Variants in PKHD1 observed in about 807,000 individuals in gnomAD.
The protein encoded by PKHD1 is PKHD1 ciliary IPT domain containing fibrocystin/polyductin.
In PKHD1, 291 loss-of-function variants were observed where a neutral mutation model predicts 412.0. That is an observed-to-expected ratio of 0.71 (90% CI 0.64 to 0.78). The LOEUF is 0.78. Among genes scored for constraint, PKHD1 ranks in the 30% least tolerant of loss-of-function variants. The pLI is 0.00. For synonymous variants in PKHD1, 1,777 were observed against 1,821.5 expected (o/e 0.98, Z 0.62); for missense variants, 4,825 against 4,950.7 (o/e 0.97, Z 0.76).
rs181139727 is a variant in PKHD1, at chr6:52,081,199, G to A, written c.282-1191C>T. Among the ~76,000 whole-genome samples, 5 of 152,284 alleles carry A rather than the reference G, an allele frequency of 3.3e-5. No individual in the cohort carries two copies. In the East Asian group the frequency reaches 7.7e-4, roughly 23 times the overall value. ...AAATCATTAGTATGTTGGGATAAAG[G>A]AGATAGGACATGTAAATCTCCAGAG... On this transcript the variant is annotated intron_variant, in intron 4 of 66. Transcript: ENST00000371117.
At chr6:51,701,705 A>G (rs1472618410) in intron 60 of PKHD1, among the ~76,000 whole-genome samples, 1 of 152,034 alleles carries the variant, frequency 6.6e-6, no homozygotes, top group Non-Finnish European at 1.5e-5. Flanking sequence ...CATGATTTCA[A>G]TGTCCAGGCT....
chr6:51,888,881 G>A (rs1778639602), intron 43 of PKHD1, among the ~76,000 whole-genome samples: 2 of 150,676 alleles, frequency 1.3e-5, no homozygotes, highest in Non-Finnish European at 2.9e-5. Flanking sequence ...GGCCCTATCA[G>A]GCTGCTGCAC....
At chr6:51,929,152 T>C (rs1177309994) in intron 37 of PKHD1, among the ~76,000 whole-genome samples, 2 of 152,080 alleles carry the variant, frequency 1.3e-5, no homozygotes, top group East Asian at 3.9e-4. Context: ...AAATATATTG[T>C]TGGATAAGAG....
chr6:51,833,846 A>G (rs1768700900), intron 51 of PKHD1, among the ~76,000 whole-genome samples: 1 of 151,976 alleles, frequency 6.6e-6, no homozygotes, highest in African/African-American at 2.4e-5. Context: ...AGAGTTGAGA[A>G]CCACAGCCTT....
intron 35 of PKHD1, among the ~76,000 whole-genome samples, chr6:51,993,180 G>C (rs150869341): frequency 2.0e-5 from 3 of 152,374 alleles, no homozygotes; most frequent in African/African-American, 7.2e-5. Flanking sequence ...CACTGCTCAG[G>C]TGGCAGGGAG....
rs566040926 is a variant in PKHD1, at chr6:51,794,907, T to C, written c.8303-3534A>G. Among the ~76,000 whole-genome samples the C allele has an allele frequency of 3.3e-5, 5 of 152,258 alleles. No homozygotes were observed. The South Asian group carries it at 1.0e-3, about 32-fold the overall frequency. ...CTGTTCTTGTACCAGTACCATGCTG[T>C]TTGGTTATGCTGTTTGGTTACTGTA... On this transcript the variant is annotated intron_variant, in intron 52 of 66. Coordinates refer to ENST00000371117, the MANE Select transcript of PKHD1 (RefSeq NM_138694.4).
chr6:51,785,395 A>G (rs1792699381), intron 53 of PKHD1, among the ~76,000 whole-genome samples: 1 of 152,212 alleles, frequency 6.6e-6, no homozygotes, highest in Non-Finnish European at 1.5e-5. Context: ...TATATACTAA[A>G]GCCAAAAAAT....
chr6:52,069,574 A>ATTGCATTT, intron 10 of PKHD1, 47 bp from the exon 11 acceptor site: 1 of 1,476,668 alleles, frequency 6.8e-7, no homozygotes. Flanking sequence ...ATCAACTGGG[A>ATTGCATTT]TTGCATTTTT....
chr6:51,841,181 C>A (rs1009781725), intron 50 of PKHD1, among the ~76,000 whole-genome samples: 27 of 151,994 alleles, frequency 1.8e-4, no homozygotes, highest in South Asian at 4.1e-4. Context: ...GGTATATAAG[C>A]TCAGATTTAA....
chr6:52,072,225 G>A (rs377715561), intron 7 of PKHD1, 36 bp from the exon 8 acceptor site: 4 of 1,329,122 alleles, frequency 3.0e-6, no homozygotes, highest in Admixed American at 1.7e-5. Context: ...AAAGACAAGA[G>A]ATAATTGTGC....
In PKHD1 at chr6:52,046,143, T is replaced by A; in HGVS notation, c.2453A>T (p.Gln818Leu). 1 of 1,613,800 alleles carries A rather than the reference T, an allele frequency of 6.2e-7. No individual in the cohort carries two copies. The highest frequency in any genetic ancestry group is 8.5e-7 in the Non-Finnish European group (1 of 1,179,694). Residue 818 changes from glutamine (Q) to leucine (L), a missense_variant, in exon 24 of 67, where the codon CAG (glutamine) becomes CTG (leucine). Coordinates refer to ENST00000371117, the MANE Select transcript of PKHD1 (RefSeq NM_138694.4). ...GGATGTGAAGTCATCGGCATTATTC[T>A]GTAAGAGCTGGTGAAGGTGATGAGC... is the stretch of plus-strand genomic sequence containing the variant. ...ISAHHLHQLLQNNADDFTSRY... is the reference protein window; with the variant it reads ...ISAHHLHQLLLNNADDFTSRY...
intron 52 of PKHD1, among the ~76,000 whole-genome samples, 162 bp downstream of exon 52, chr6:51,830,699 T>C (rs1025270196): frequency 6.6e-6 from 1 of 152,176 alleles, no homozygotes; most frequent in African/African-American, 2.4e-5. Context: ...TCTATGAAAT[T>C]GTTCTCCTAC....
intron 29 of PKHD1, among the ~76,000 whole-genome samples, chr6:52,029,932 G>A (rs1802786907): frequency 6.6e-6 from 1 of 152,254 alleles, no homozygotes; most frequent in African/African-American, 2.4e-5. Flanking sequence ...AAAGATAGGG[G>A]AGGAGAAATC....
rs770063741 is a variant in PKHD1 at position 52,050,251 on chromosome 6, C to T, written c.2185G>A (p.Val729Met). The T allele has an allele frequency of 8.7e-6, 14 of 1,614,184 alleles. No individual in the cohort carries two copies. In the South Asian group the frequency reaches 1.4e-4, roughly 16 times the overall value. The change falls in exon 22 of 67, where the codon GTG (valine) becomes ATG (methionine). Residue 729 changes from valine to methionine, a missense_variant. Coordinates refer to ENST00000371117, the MANE Select transcript of PKHD1 (RefSeq NM_138694.4). ...GATCCCACCACAGAGACTGATTCCA[C>T]CAGATTGCCCCCTGGGCGAGCCGTT... ...SGTARPGGNL[V>M]ESVSVVGSPP... is the part of the protein sequence containing the mutation.
chr6:51,679,710 C>A (rs1182456603), intron 60 of PKHD1, among the ~76,000 whole-genome samples: 1 of 152,006 alleles, frequency 6.6e-6, no homozygotes, highest in Admixed American at 6.6e-5. Flanking sequence ...TGACCCAACT[C>A]GGTGATTCCC....
intron 55 of PKHD1, among the ~76,000 whole-genome samples, chr6:51,764,387 T>A (rs912443079): frequency 6.7e-6 from 1 of 148,278 alleles, no homozygotes; most frequent in Non-Finnish European, 1.5e-5. Context: ...CCAGTTAGAA[T>A]GGCAATCATT....
At chr6:51,977,958 G>A (rs1300101060) in intron 35 of PKHD1, among the ~76,000 whole-genome samples, 2 of 152,182 alleles carry the variant, frequency 1.3e-5, no homozygotes, top group East Asian at 3.9e-4. Context: ...TGGTGAGGGA[G>A]AAGCAAAGCT....
chr6:51,699,481 G>C (rs1279990793), intron 60 of PKHD1, among the ~76,000 whole-genome samples: 1 of 152,098 alleles, frequency 6.6e-6, no homozygotes, highest in Non-Finnish European at 1.5e-5. Flanking sequence ...AAGGATATCT[G>C]GGTTGTTTCC....
chr6:52,082,665 A>T, intron 3 of PKHD1, 123 bp from the exon 4 acceptor site: 1 of 870,134 alleles, frequency 1.1e-6, no homozygotes, highest in African/African-American at 1.7e-5. Context: ...TTAAATTAAT[A>T]CTCCTCATTT....
Sources: gnomAD v4.1 joint callset for allele counts (sites outside exome capture counted in the v4.1 genomes callset) on GRCh38, gnomAD v4.1.1 for gene constraint, MANE v1.5 for transcripts, NCBI Gene and HGNC (gene_info 2026-07-23, HGNC 2026-07-21) for gene names.